FAM216A: variants seen among roughly 807,000 people sequenced by gnomAD.
FAM216A encodes family with sequence similarity 216 member A, also known as protein FAM216A.
FAM216A carries 26 observed loss-of-function variants against 37.6 expected under a neutral mutation model. The ratio of observed to expected loss-of-function variants is 0.69; its 90% confidence interval spans 0.51 to 0.96. FAM216A has a LOEUF of 0.96. Ranked by LOEUF, FAM216A falls within the 40% of genes least tolerant of loss-of-function variation. FAM216A has a pLI of 0.00. For missense variants in FAM216A, 326 were observed against 339.3 expected, an observed-to-expected ratio of 0.96 and a Z score of 0.31; for synonymous variants, 110 against 121.7, an observed-to-expected ratio of 0.90 and a Z score of 0.64.
At position 110,486,342 on chromosome 12, in the gene FAM216A, A is replaced by C; in HGVS notation, c.324A>C (p.Thr108=). Residue 108 remains threonine, a synonymous_variant, in exon 4 of 7, where the codon ACA becomes ACC. Coordinates refer to ENST00000377673, the MANE Select transcript of FAM216A (RefSeq NM_013300.3). ...ASFFKHPDLT[T]GQKRYLCSIA... The stretch of plus-strand genomic sequence containing the variant: ...TCTTTTAGCATCCAGACCTCACCAC[A>C]GGCCAGAAGCGTTACCTGTGCAGCA... The C allele has an allele frequency of 6.2e-7, 1 of 1,610,380 alleles. No individual in the cohort carries two copies. The highest frequency in any genetic ancestry group is 8.5e-7 in the Non-Finnish European group (1 of 1,177,914).
At chr12:110,474,447 T>C (rs182003905) in intron 2 of FAM216A, among the ~76,000 whole-genome samples, 43 of 152,126 alleles carry the variant, frequency 2.8e-4, no homozygotes, top group Non-Finnish European at 5.6e-4. Context: ...CCCAGTACTT[T>C]GGGAGGCCGA....
At chr12:110,474,717 A>G (rs1049181914) in intron 2 of FAM216A, among the ~76,000 whole-genome samples, 10 of 147,398 alleles carry the variant, frequency 6.8e-5, no homozygotes, top group Admixed American at 4.1e-4. Context: ...AAAAAAAAAA[A>G]AATGCTGGGC....
At chr12:110,486,906 C>T in intron 5 of FAM216A, 189 bp downstream of exon 5, 1 of 554,074 alleles carries the variant, frequency 1.8e-6, no homozygotes, top group Non-Finnish European at 3.1e-6. Context: ...AAGGCACAAA[C>T]CACCATGCCC....
At chr12:110,475,812 C>G (rs934817373) in intron 2 of FAM216A, among the ~76,000 whole-genome samples, 2 of 152,084 alleles carry the variant, frequency 1.3e-5, no homozygotes, top group African/African-American at 4.8e-5. Flanking sequence ...AATCGGCTCA[C>G]TGCAGCCTCC....
intron 2 of FAM216A, among the ~76,000 whole-genome samples, chr12:110,480,089 G>T (rs1343419383): frequency 6.7e-6 from 1 of 149,958 alleles, no homozygotes; most frequent in Non-Finnish European, 1.5e-5. Context: ...GCAATGGCTC[G>T]ATCTCGGCTC....
At chr12:110,474,980 G>C (rs2062707232) in intron 2 of FAM216A, among the ~76,000 whole-genome samples, 1 of 150,830 alleles carries the variant, frequency 6.6e-6, no homozygotes. Flanking sequence ...CAACAAGAGT[G>C]AAACTCCATC....
intron 2 of FAM216A, among the ~76,000 whole-genome samples, chr12:110,478,702 C>T (rs146160902): frequency 3.3e-5 from 5 of 152,206 alleles, no homozygotes; most frequent in African/African-American, 1.2e-4. Context: ...GCACCCCAGT[C>T]CAGCCCAGGC....
At chr12:110,469,887 C>G (rs911347377) in intron 1 of FAM216A, among the ~76,000 whole-genome samples, 1 of 152,122 alleles carries the variant, frequency 6.6e-6, no homozygotes, top group East Asian at 1.9e-4. Flanking sequence ...TTTCTTCACA[C>G]TGAAGTTCCT....
At chr12:110,469,185 G>C in intron 1 of FAM216A, 167 bp downstream of exon 1, 2 of 782,062 alleles carry the variant, frequency 2.6e-6, no homozygotes, top group Non-Finnish European at 3.7e-6. Context: ...GTGGACAGAG[G>C]GCAGAGGGGA....
chr12:110,490,188 G>A lies in FAM216A; in HGVS notation c.*51G>A, dbSNP rs1253208806. The A allele has an allele frequency of 1.1e-6, 1 of 881,094 alleles. No homozygotes were observed. The highest frequency in any genetic ancestry group is 1.3e-5 in the South Asian group (1 of 75,934). The allele number at this position is 881,094 out of a possible 1,614,324, so 54.6% of individuals were successfully genotyped here. ...GTGCCAAAGGTGAGGGTAAGGGGTT[G>A]TGAGTTGTGTCCTGTATGTTTAGGA... On this transcript the variant is annotated 3_prime_UTR_variant, in exon 7 of 7. Transcript: ENST00000377673.
Position 110,484,426 on chromosome 12 carries a change from C to CA in FAM216A, c.185-623dup, listed in dbSNP as rs61648841. On this transcript the variant is annotated intron_variant, in intron 2 of 6. Transcript: ENST00000377673. ...TGGGGGACACAGAGAGACTCCGTCT[C>CA]AAAAAAAAAAAAAAAAAAAAAAAAA... Among the ~76,000 whole-genome samples the CA allele has an allele frequency of 9.2e-3, 471 of 51,288 alleles. 71 individuals carry two copies. Among genetic ancestry groups the CA allele is most frequent in the Admixed American group, 0.013 (35 of 2,762 alleles). 33.6% of individuals were successfully genotyped at this position (51,288 alleles called of 152,430 possible).
At chr12:110,476,301 G>A (rs747561696) in intron 2 of FAM216A, among the ~76,000 whole-genome samples, 12 of 150,518 alleles carry the variant, frequency 8.0e-5, no homozygotes, top group Middle Eastern at 3.4e-3. Context: ...CCAGGTTCAC[G>A]CCATTCTCCT....
intron 3 of FAM216A, 52 bp from the exon 4 acceptor site, chr12:110,486,273 C>T (rs927054069): frequency 2.3e-5 from 35 of 1,504,142 alleles, no homozygotes; most frequent in Non-Finnish European, 2.9e-5. Flanking sequence ...AGGAATATTG[C>T]CAACTTCTCT....
chr12:110,473,635 T>A (rs996170909), intron 2 of FAM216A, among the ~76,000 whole-genome samples: 14 of 152,346 alleles, frequency 9.2e-5, no homozygotes, highest in Middle Eastern at 6.8e-3. Context: ...CAAGCATTTT[T>A]AAAATTAGCA....
intron 2 of FAM216A, 59 bp from the exon 3 acceptor site, chr12:110,485,019 A>C: frequency 6.4e-7 from 1 of 1,554,304 alleles, no homozygotes; most frequent in South Asian, 1.2e-5. Flanking sequence ...AGATCTTAAT[A>C]ATTCAGTTTG....
rs755188957 is a variant in FAM216A at position 110,485,179 on chromosome 12, A to T, written c.286A>T (p.Met96Leu). Residue 96 changes from methionine (M) to leucine (L), a missense_variant, in exon 3 of 7, where the codon ATG becomes TTG. Coordinates refer to ENST00000377673, the MANE Select transcript of FAM216A (RefSeq NM_013300.3). ...AACAATCCACCTCTCTAAATCAATG[A>T]TGGAGGCGTCCTTTTTCAAGGTATG... The part of the protein sequence containing the change: ...NQTIHLSKSM[M>L]EASFFKHPDL... 6 of 1,611,164 alleles carry T rather than the reference A, an allele frequency of 3.7e-6. No homozygotes were observed. In the South Asian group the frequency reaches 5.5e-5, roughly 15 times the overall value.
intron 1 of FAM216A, among the ~76,000 whole-genome samples, chr12:110,472,610 T>C (rs2062692873): frequency 1.3e-5 from 2 of 151,942 alleles, no homozygotes; most frequent in Non-Finnish European, 2.9e-5. Flanking sequence ...ACCAGAATTA[T>C]AGGAAAAAAT....
chr12:110,477,436 T>C (rs1399543275), intron 2 of FAM216A, among the ~76,000 whole-genome samples: 1 of 151,962 alleles, frequency 6.6e-6, no homozygotes, highest in Admixed American at 6.6e-5. Flanking sequence ...TACTGCAAGC[T>C]CCGCCTCCCG....
intron 5 of FAM216A, chr12:110,487,234 A>G (rs2062782608): frequency 6.5e-6 from 1 of 153,116 alleles, no homozygotes; most frequent in Non-Finnish European, 1.5e-5. Flanking sequence ...TCCCGGGTTC[A>G]AGCGATTCTC....
Sources: gnomAD v4.1 joint callset for allele counts (sites outside exome capture counted in the v4.1 genomes callset) on GRCh38, gnomAD v4.1.1 for gene constraint, MANE v1.5 for transcripts, NCBI Gene and HGNC (gene_info 2026-07-23, HGNC 2026-07-21) for gene names.